Variants in SLIT3 observed in about 807,000 individuals in gnomAD.
SLIT3 encodes the protein slit guidance ligand 3.
Under a neutral mutation model 184.0 loss-of-function variants are expected in SLIT3, and 68 were observed. That is an observed-to-expected ratio of 0.37 (90% CI 0.30 to 0.45). The LOEUF is 0.45. SLIT3 is among the 20% of genes least tolerant of loss of function. The pLI is 1.00. For missense variants in SLIT3, 1,707 were observed against 2,026.0 expected (o/e 0.84, Z 3.02); for synonymous variants, 831 against 828.6 (o/e 1.00, Z -0.05).
At chr5:169,113,958 A>G (rs1002675621) in intron 4 of SLIT3, among the ~76,000 whole-genome samples, 5 of 152,120 alleles carry the variant, frequency 3.3e-5, no homozygotes, top group Non-Finnish European at 1.5e-5. Context: ...ATGGCTCATC[A>G]TGCCATTTTT....
At chr5:168,748,034 C>G (rs918076301) in intron 20 of SLIT3, among the ~76,000 whole-genome samples, 9 of 152,084 alleles carry the variant, frequency 5.9e-5, no homozygotes. Flanking sequence ...CCCACTTATA[C>G]TCAGGGTATC....
At chr5:168,681,601 T>A (rs1257796202) in intron 32 of SLIT3, among the ~76,000 whole-genome samples, 1 of 152,186 alleles carries the variant, frequency 6.6e-6, no homozygotes, top group Non-Finnish European at 1.5e-5. Flanking sequence ...CAGGGCCACC[T>A]ACCTGCTCAA....
In SLIT3 at chr5:169,085,442, C is replaced by A. The variant is rs140076750; in HGVS notation, c.413+108037G>T. 9.3e-3 allele frequency among the ~76,000 whole-genome samples: 1,423 copies of A among 152,292 alleles called. 8 individuals are homozygous for A. The highest frequency in any genetic ancestry group is 0.014 in the Non-Finnish European group (970 of 68,030). On this transcript the variant is annotated intron_variant, in intron 4 of 35. Coordinates refer to ENST00000519560, the MANE Select transcript of SLIT3 (RefSeq NM_003062.4). Reference sequence around the variant, plus strand: ...ATCCCACTGAAATCGCTTCAACTAACACAGCAGCAAAGGGGCGTGGGAGGG... The same window carrying A: ...ATCCCACTGAAATCGCTTCAACTAAAACAGCAGCAAAGGGGCGTGGGAGGG...
intron 17 of SLIT3, among the ~76,000 whole-genome samples, chr5:168,753,303 T>C (rs1381297982): frequency 6.6e-6 from 1 of 152,240 alleles, no homozygotes; most frequent in Non-Finnish European, 1.5e-5. Flanking sequence ...ACATTATTGT[T>C]TGTGCATGCT....
At chr5:168,956,600 C>T (rs553607483) in intron 4 of SLIT3, among the ~76,000 whole-genome samples, 6 of 152,074 alleles carry the variant, frequency 3.9e-5, no homozygotes, top group Non-Finnish European at 7.4e-5. Context: ...CAGAGACCAG[C>T]CTGGCCAACG....
intron 4 of SLIT3, among the ~76,000 whole-genome samples, chr5:169,150,737 G>C (rs1762086020): frequency 6.6e-6 from 1 of 152,122 alleles, no homozygotes; most frequent in African/African-American, 2.4e-5. Context: ...ACAAGAACTT[G>C]AACAAGAGTT....
chr5:169,222,950 C>T (rs773393452), intron 3 of SLIT3, among the ~76,000 whole-genome samples: 32 of 152,136 alleles, frequency 2.1e-4, no homozygotes, highest in Admixed American at 4.6e-4. Context: ...TGGCCAAAAC[C>T]GAATGGGAAG....
chr5:169,294,379 T>C (rs1767440573), intron 1 of SLIT3, among the ~76,000 whole-genome samples: 2 of 151,914 alleles, frequency 1.3e-5, no homozygotes, highest in Non-Finnish European at 2.9e-5. Context: ...ATGGAAAAGA[T>C]ATAAACCACT....
At chr5:168,732,994 C>G (rs539078131) in intron 20 of SLIT3, among the ~76,000 whole-genome samples, 3 of 151,600 alleles carry the variant, frequency 2.0e-5, no homozygotes, top group African/African-American at 7.3e-5. Flanking sequence ...AGCTTCTGCA[C>G]AGCAAAAGAA....
At chr5:168,837,907 G>C (rs1370209283) in intron 6 of SLIT3, among the ~76,000 whole-genome samples, 1 of 152,204 alleles carries the variant, frequency 6.6e-6, no homozygotes, top group African/African-American at 2.4e-5. Flanking sequence ...TGAGCTGGAA[G>C]CTGGTTCTAT....
intron 4 of SLIT3, among the ~76,000 whole-genome samples, chr5:168,918,442 T>C (rs542800241): frequency 1.3e-5 from 2 of 152,268 alleles, no homozygotes; most frequent in South Asian, 4.1e-4. Flanking sequence ...ATAAGGGAAG[T>C]TGGTATGTCA....
At chr5:168,898,573 C>T (rs1760765059) in intron 4 of SLIT3, among the ~76,000 whole-genome samples, 1 of 151,956 alleles carries the variant, frequency 6.6e-6, no homozygotes, top group Non-Finnish European at 1.5e-5. Flanking sequence ...GTTATAATAG[C>T]TTTTTTGGCC....
intron 6 of SLIT3, among the ~76,000 whole-genome samples, chr5:168,831,634 T>C (rs1426199307): frequency 6.6e-6 from 1 of 152,174 alleles, no homozygotes; most frequent in East Asian, 1.9e-4. Flanking sequence ...TCTCAATATT[T>C]GTACCCGACT....
At chr5:169,150,465 C>T (rs913536006) in intron 4 of SLIT3, among the ~76,000 whole-genome samples, 1 of 152,026 alleles carries the variant, frequency 6.6e-6, no homozygotes, top group Non-Finnish European at 1.5e-5. Context: ...TGGTCTCTGT[C>T]CCAGACTGGG....
At chr5:168,797,651 G>C (rs1756614671) in intron 9 of SLIT3, among the ~76,000 whole-genome samples, 1 of 152,168 alleles carries the variant, frequency 6.6e-6, no homozygotes, top group South Asian at 2.1e-4. Flanking sequence ...CAGCCCAAGA[G>C]CATCACAGAA....
intron 3 of SLIT3, 78 bp from the exon 4 acceptor site, chr5:169,193,628 ATCAG>A: frequency 2.9e-6 from 3 of 1,047,060 alleles, no homozygotes; most frequent in Non-Finnish European, 4.5e-6. Context: ...ACTTTAATCA[ATCAG>A]TCAATCAATC....
At chr5:169,202,492 G>T (rs1036661644) in intron 3 of SLIT3, among the ~76,000 whole-genome samples, 14 of 152,134 alleles carry the variant, frequency 9.2e-5, no homozygotes, top group African/African-American at 3.4e-4. Flanking sequence ...CTTAAGGCTT[G>T]AACAGAGGTC....
At chr5:169,033,352 G>A (rs770756703) in intron 4 of SLIT3, among the ~76,000 whole-genome samples, 28 of 152,068 alleles carry the variant, frequency 1.8e-4, no homozygotes, top group African/African-American at 2.7e-4. Context: ...GTCTGTCACC[G>A]GACACTTAGG....
At chr5:169,078,512 G>A (rs1332177886) in intron 4 of SLIT3, among the ~76,000 whole-genome samples, 1 of 152,120 alleles carries the variant, frequency 6.6e-6, no homozygotes, top group African/African-American at 2.4e-5. Context: ...TAAAAGGCCA[G>A]TCTCCCGCAA....
Sources: gnomAD v4.1 joint callset for allele counts (sites outside exome capture counted in the v4.1 genomes callset) on GRCh38, gnomAD v4.1.1 for gene constraint, MANE v1.5 for transcripts, NCBI Gene and HGNC (gene_info 2026-07-23, HGNC 2026-07-21) for gene names.